DPP10: variants seen among roughly 807,000 people sequenced by gnomAD.
DPP10 encodes the protein inactive dipeptidyl peptidase 10.
DPP10 carries 33 observed loss-of-function variants against 120.9 expected under a neutral mutation model. That is an observed-to-expected ratio of 0.27 (90% CI 0.21 to 0.37). The LOEUF (loss-of-function observed/expected upper bound fraction) is 0.37, where lower values mean the gene tolerates loss of function less well. Ranked by LOEUF, DPP10 falls within the 10% of genes least tolerant of loss-of-function variation. The pLI, the probability that DPP10 is intolerant of heterozygous loss-of-function variation, is 1.00. For missense variants in DPP10, 816 were observed against 942.8 expected, an observed-to-expected ratio of 0.87 and a Z score of 1.76; for synonymous variants, 337 against 326.1, an observed-to-expected ratio of 1.03 and a Z score of -0.36.
In DPP10 at chr2:115,798,704, T is replaced by C. The variant is rs370290599; in HGVS notation, c.1700+7348T>C. ...CTTGGGAAGAAACTAATAATTATTG[T>C]ATTTTTAAAAGAAAACCACAACCCA... On this transcript the variant is annotated intron_variant, in intron 19 of 25. Coordinates refer to ENST00000410059, the MANE Select transcript of DPP10 (RefSeq NM_020868.6). 1.2e-4 allele frequency among the ~76,000 whole-genome samples: 19 copies of C among 152,260 alleles called. No homozygotes were observed. The East Asian group carries it at 2.9e-3, about 23-fold the overall frequency.
chr2:115,723,814 T>C (rs1238314858), intron 7 of DPP10, among the ~76,000 whole-genome samples: 63 of 152,154 alleles, frequency 4.1e-4, no homozygotes, highest in Non-Finnish European at 2.9e-5. Flanking sequence ...ACTTTCTTAA[T>C]TACAATTTTA....
rs551178606 is a variant in DPP10, at chr2:114,916,733, A to C, written c.61-392506A>C. Among the ~76,000 whole-genome samples, 96 of 152,340 alleles carry C rather than the reference A, an allele frequency of 6.3e-4. 2 individuals are homozygous for C. The highest frequency in any genetic ancestry group is 2.5e-3 in the South Asian group (12 of 4,832). On this transcript the variant is annotated intron_variant, in intron 1 of 25. Coordinates refer to ENST00000410059, the MANE Select transcript of DPP10 (RefSeq NM_020868.6). Reference sequence around the variant, plus strand: ...AACTTAAAAACCACATGATTATCTCAATAAATGCTGAAAAGGCTTTTGATT... The same window carrying C: ...AACTTAAAAACCACATGATTATCTCCATAAATGCTGAAAAGGCTTTTGATT...
At chr2:115,358,329 A>T (rs193288865) in intron 3 of DPP10, among the ~76,000 whole-genome samples, 208 of 152,302 alleles carry the variant, frequency 1.4e-3, no homozygotes, top group African/African-American at 4.6e-3. Flanking sequence ...AAATGCTGCC[A>T]GTCTCTTTGC....
chr2:115,157,517 A>G (rs2052002342), intron 1 of DPP10, among the ~76,000 whole-genome samples: 1 of 152,188 alleles, frequency 6.6e-6, no homozygotes, highest in Non-Finnish European at 1.5e-5. Context: ...TTATATATAT[A>G]GTGCCTTTAC....
chr2:115,280,130 T>C (rs919174513), intron 1 of DPP10, among the ~76,000 whole-genome samples: 6 of 152,140 alleles, frequency 3.9e-5, no homozygotes, highest in African/African-American at 1.2e-4. Flanking sequence ...AATAATAGGT[T>C]GAAAGACATG....
intron 1 of DPP10, among the ~76,000 whole-genome samples, chr2:114,578,490 T>C (rs1038284632): frequency 1.2e-4 from 18 of 152,104 alleles, no homozygotes; most frequent in Admixed American, 2.6e-4. Context: ...ACTGAGTTTC[T>C]CCATTCCTTT....
chr2:115,579,129 A>T (rs2081865063), intron 5 of DPP10: 1 of 152,238 alleles, frequency 6.6e-6, no homozygotes, highest in African/African-American at 2.4e-5. Context: ...CAATGGAGAC[A>T]GAGTTGCTTA....
intron 1 of DPP10, among the ~76,000 whole-genome samples, chr2:114,814,791 C>T (rs1685485547): frequency 6.6e-6 from 1 of 152,168 alleles, no homozygotes; most frequent in South Asian, 2.1e-4. Flanking sequence ...TCAATTTACC[C>T]ACAGCGGTCC....
At chr2:115,194,562 C>A (rs957449732) in intron 1 of DPP10, among the ~76,000 whole-genome samples, 1 of 152,104 alleles carries the variant, frequency 6.6e-6, no homozygotes, top group Non-Finnish European at 1.5e-5. Context: ...AGGACAGGGG[C>A]AGTTACTAAT....
chr2:115,320,684 AATT>A (rs1229775939), intron 2 of DPP10, among the ~76,000 whole-genome samples: 1 of 151,968 alleles, frequency 6.6e-6, no homozygotes, highest in Non-Finnish European at 1.5e-5. Context: ...CTAGATTTAT[AATT>A]ATTATTATAC....
chr2:115,091,973 A>G (rs1709303955), intron 1 of DPP10, among the ~76,000 whole-genome samples: 1 of 152,224 alleles, frequency 6.6e-6, no homozygotes, highest in Non-Finnish European at 1.5e-5. Flanking sequence ...TACTATTACT[A>G]CTAATAACCA....
chr2:115,192,126 G>A (rs2054927150), intron 1 of DPP10, among the ~76,000 whole-genome samples: 1 of 152,194 alleles, frequency 6.6e-6, no homozygotes, highest in African/African-American at 2.4e-5. Flanking sequence ...AATGGCACGT[G>A]CAGTGAAATG....
At chr2:115,004,724 T>C (rs1016752927) in intron 1 of DPP10, among the ~76,000 whole-genome samples, 62 of 152,202 alleles carry the variant, frequency 4.1e-4, no homozygotes, top group Middle Eastern at 3.4e-3. Context: ...TCCTACCCCA[T>C]GGAGTCTCAC....
At chr2:115,274,498 C>T (rs1320824233) in intron 1 of DPP10, among the ~76,000 whole-genome samples, 1 of 151,920 alleles carries the variant, frequency 6.6e-6, no homozygotes, top group African/African-American at 2.4e-5. Flanking sequence ...CGAGATCCTC[C>T]AGAGCTCTGA....
intron 1 of DPP10, among the ~76,000 whole-genome samples, chr2:114,949,056 C>A (rs1277169174): frequency 2.0e-5 from 3 of 151,916 alleles, no homozygotes; most frequent in Non-Finnish European, 1.5e-5. Context: ...TACTGAGTAG[C>A]TGGAAGTACA....
chr2:115,320,530 T>A (rs1369791010), intron 2 of DPP10, among the ~76,000 whole-genome samples: 1 of 151,996 alleles, frequency 6.6e-6, no homozygotes, highest in Non-Finnish European at 1.5e-5. Flanking sequence ...TCATCATAAT[T>A]CATATTTTAA....
At chr2:114,665,536 G>A (rs1010157841) in intron 1 of DPP10, among the ~76,000 whole-genome samples, 7 of 150,008 alleles carry the variant, frequency 4.7e-5, no homozygotes, top group East Asian at 2.0e-4. Flanking sequence ...CTTCACATTC[G>A]TCAAAGGAGG....
At chr2:114,873,053 T>C (rs1360952530) in intron 1 of DPP10, among the ~76,000 whole-genome samples, 1 of 152,148 alleles carries the variant, frequency 6.6e-6, no homozygotes, top group African/African-American at 2.4e-5. Flanking sequence ...GAAATAAACA[T>C]GAAAACAGAG....
chr2:115,171,358 C>CAAA (rs752738778), intron 1 of DPP10, among the ~76,000 whole-genome samples: 3 of 114,384 alleles, frequency 2.6e-5, no homozygotes, highest in African/African-American at 6.3e-5. Context: ...GAGACTCCAT[C>CAAA]AAAAAAAAAA....
Sources: allele counts gnomAD v4.1 joint callset (sites outside exome capture counted in the v4.1 genomes callset), GRCh38; gene constraint gnomAD v4.1.1; transcripts MANE v1.5; gene names NCBI Gene and HGNC (gene_info 2026-07-23, HGNC 2026-07-21).